The following CTU2 variants were observed in gnomAD, a reference collection of about 807,000 sequenced individuals.
CTU2 encodes cytosolic thiouridylase subunit 2, also known as cytoplasmic tRNA 2-thiolation protein 2.
In CTU2, 80 loss-of-function variants were observed where a neutral mutation model predicts 64.1. The ratio of observed to expected loss-of-function variants is 1.25; its 90% CI spans 1.04 to 1.50. The LOEUF (loss-of-function observed/expected upper bound fraction) is 1.50, where lower values mean the gene tolerates loss of function less well. CTU2 is among the 40% of genes most tolerant of loss of function. The probability of loss-of-function intolerance (pLI) is 0.00; values close to 1 mark genes in which losing one functional copy is unlikely to be tolerated. For missense variants in CTU2, 1,110 were observed against 690.2 expected (o/e 1.61, Z -6.81); for synonymous variants, 482 against 285.3 (o/e 1.69, Z -6.95).
At chr16:88,708,387 G>A (rs555728156) in intron 2 of CTU2, among the ~76,000 whole-genome samples, 6 of 152,306 alleles carry the variant, frequency 3.9e-5, no homozygotes, top group South Asian at 4.1e-4. Context: ...AGGGGACAGC[G>A]TGGTTTCAGG....
chr16:88,715,150 G>A lies in CTU2; in HGVS notation c.1479-32G>A, dbSNP rs2306045. ...CCGTGGCGCGTGGGTAAGGGGCCTCGGGGCTGGTGCCCACTGCAGCTTTCT... is the reference window on the plus strand; with the variant it reads ...CCGTGGCGCGTGGGTAAGGGGCCTCAGGGCTGGTGCCCACTGCAGCTTTCT... On this transcript the variant is annotated intron_variant, in intron 14 of 14. Coordinates refer to ENST00000453996, the MANE Select transcript of CTU2 (RefSeq NM_001012759.3). The A allele has an allele frequency of 0.12, 199,204 of 1,609,370 alleles. 13,206 individuals carry two copies. The highest frequency in any genetic ancestry group is 0.16 in the East Asian group (7,104 of 44,848).
chr16:88,713,731 C>G lies in CTU2; in HGVS notation c.958C>G (p.Arg320Gly). ...HTLKEVAFYN[R>G]LFSVPSVFTP... ...CCTGAAGGAGGTCGCTTTCTACAAC[C>G]GCCTGTTCTCCGTTCCTTCTGTCTT... is the stretch of plus-strand genomic sequence containing the variant. Residue 320 changes from arginine to glycine, a missense_variant, in exon 9 of 15, where the codon CGC becomes GGC. Coordinates refer to ENST00000453996, the MANE Select transcript of CTU2 (RefSeq NM_001012759.3). 2 of 1,612,702 alleles carry G rather than the reference C, an allele frequency of 1.2e-6. No individual in the cohort carries two copies. The highest frequency in any genetic ancestry group is 1.1e-5 in the South Asian group (1 of 91,086).
At position 88,706,596 on chromosome 16, in the gene CTU2, C is replaced by T. The variant is rs1369296217; in HGVS notation, c.66C>T (p.Pro22=). 4 of 1,434,246 alleles carry T rather than the reference C, an allele frequency of 2.8e-6. No homozygotes were observed. The East Asian group carries it at 9.0e-5, about 32-fold the overall frequency. 88.8% of individuals were successfully genotyped at this position (1,434,246 alleles called of 1,614,324 possible). A position where few individuals can be genotyped will look rare whatever the true frequency, so the allele number is the denominator to read the frequency against. ...AGGAGCCGCCCCCGGCGCCGCGGCC[C>T]AGGTAAGAGCTGGCGGCCGGACCCG... ...APEEPPPAPR[P]SREQKCVKCK... The change falls in exon 1 of 15, where the codon CCC becomes CCT. Residue 22 remains proline (P), a splice_region_variant and synonymous_variant. Transcript: ENST00000453996.
intron 2 of CTU2, chr16:88,709,016 T>G (rs1008422279): frequency 1.3e-5 from 2 of 152,214 alleles, no homozygotes; most frequent in Non-Finnish European, 2.9e-5. Flanking sequence ...GGCTCATACC[T>G]GGAATCTCAG....
Position 88,715,383 on chromosome 16 carries a change from A to AAAC in CTU2, c.*134_*135insCAA. On this transcript the variant is annotated 3_prime_UTR_variant, in exon 15 of 15. Transcript: ENST00000453996. Reference sequence around the variant, plus strand: ...AATAAAACATTTTTTAATTAAAAAAAAAACTCTACAGTACACGTGGGGGAC... The same window carrying AAAC: ...AATAAAACATTTTTTAATTAAAAAAAAACAAACTCTACAGTACACGTGGGGGAC... 2 of 1,121,312 alleles carry AAAC rather than the reference A, an allele frequency of 1.8e-6. No individual in the cohort carries two copies. Among genetic ancestry groups the AAAC allele is most frequent in the Non-Finnish European group, 2.5e-6 (2 of 804,734 alleles). 69.5% of individuals were successfully genotyped at this position (1,121,312 alleles called of 1,614,324 possible). A position where few individuals can be genotyped will look rare whatever the true frequency, so the allele number is the denominator to read the frequency against.
chr16:88,714,151 A>G lies in CTU2; in HGVS notation c.1021A>G (p.Ser341Gly). Residue 341 changes from serine to glycine, a missense_variant, in exon 10 of 15, where the codon AGC becomes GGC. Transcript: ENST00000453996. ...AVDTKAPEKA[S>G]IHRLMEAFIL... ...TTGTCCCTAGGCCCCTGAAAAGGCC[A>G]GCATCCACCGGCTGATGGAGGCCTT... The G allele has an allele frequency of 1.9e-6, 3 of 1,612,668 alleles. No homozygotes were observed. The highest frequency in any genetic ancestry group is 2.5e-6 in the Non-Finnish European group (3 of 1,179,872).
rs1295954015 is a variant in CTU2, at chr16:88,715,201, A to G, written c.1498A>G (p.Ile500Val). The G allele has an allele frequency of 6.2e-7, 1 of 1,612,350 alleles. No individual in the cohort carries two copies. The highest frequency in any genetic ancestry group is 2.2e-5 in the East Asian group (1 of 44,862). Residue 500 changes from isoleucine (I) to valine (V), a missense_variant, in exon 15 of 15, where the codon ATC becomes GTC. By Grantham distance (29) the Ile-to-Val change is conservative. Transcript: ENST00000453996. ...CTCTAGGGCCTGGGGCTTGCAGGAG[A>G]TCCGGGACTGTCTGATTGAGGACAG... ...RTQRAWGLQE[I>V]RDCLIEDSDD...
In CTU2 at chr16:88,707,208, C is replaced by T; in HGVS notation, c.141C>T (p.Cys47=). The part of the protein sequence containing the change: ...VVVIRAGDAF[C]RDCFKAFYVH... ...TGATACGAGCCGGAGATGCCTTCTG[C>T]AGGTGAGGCCTGGAGGTGGCTGAGA... The change falls in exon 2 of 15, where the codon TGC becomes TGT. Residue 47 remains cysteine (C), a splice_region_variant and synonymous_variant. Coordinates refer to ENST00000453996, the MANE Select transcript of CTU2 (RefSeq NM_001012759.3). 1.7e-5 allele frequency: 27 copies of T among 1,613,882 alleles called. No homozygotes were observed. The highest frequency in any genetic ancestry group is 2.2e-5 in the Non-Finnish European group (26 of 1,179,914).
intron 2 of CTU2, chr16:88,708,884 A>G (rs985010386): frequency 6.6e-6 from 1 of 152,146 alleles, no homozygotes; most frequent in Non-Finnish European, 1.5e-5. Context: ...CCCCTAGACA[A>G]TTTGACTTAA....
rs778227960 is a variant in CTU2 at position 88,714,446 on chromosome 16, C to T, written c.1161C>T (p.Arg387=). 1.2e-6 allele frequency: 2 copies of T among 1,612,464 alleles called. No homozygotes were observed. Among genetic ancestry groups the T allele is most frequent in the African/African-American group, 1.3e-5 (1 of 74,906 alleles). The change falls in exon 11 of 15, where the codon CGC becomes CGT. Residue 387 remains arginine (R), a synonymous_variant. Coordinates refer to ENST00000453996, the MANE Select transcript of CTU2 (RefSeq NM_001012759.3). ...DGPAAGDSGP[R]CLLCMCALDV... ...CTGCTGCTGGCGACTCCGGCCCCCG[C>T]TGCCTCCTCTGCATGTGTGCCCTGG...
At position 88,712,307 on chromosome 16, in the gene CTU2, G is replaced by C. The variant is rs777379637; in HGVS notation, c.377G>C (p.Arg126Thr). ...GCCTGTGGCCAGAGCCTAGAGGAGAGATCAAAGACCCTGGCCGAAGTGAAG... is the reference window on the plus strand; with the variant it reads ...GCCTGTGGCCAGAGCCTAGAGGAGACATCAAAGACCCTGGCCGAAGTGAAG... ...GAACGQSLEE[R>T]SKTLAEVKPI... Residue 126 changes from arginine to threonine, a missense_variant, in exon 6 of 15, where the codon AGA becomes ACA. By Grantham distance (71) the Arg-to-Thr change is moderately conservative. Transcript: ENST00000453996. 9.3e-6 allele frequency: 15 copies of C among 1,608,870 alleles called. No individual in the cohort carries two copies. Among genetic ancestry groups the C allele is most frequent in the Non-Finnish European group, 1.2e-5 (14 of 1,177,684 alleles).
At position 88,713,772 on chromosome 16, in the gene CTU2, C is replaced by T; in HGVS notation, c.999C>T (p.Asp333=). Reference sequence around the variant, plus strand: ...CTTCTGTCTTCACACCAGCCGTCGACACCAAGGTGGGCCTTGTGGGCTGGG... The same window carrying T: ...CTTCTGTCTTCACACCAGCCGTCGATACCAAGGTGGGCCTTGTGGGCTGGG... ...SVPSVFTPAV[D]TKAPEKASIH... Residue 333 remains aspartate, a synonymous_variant, in exon 9 of 15, where the codon GAC becomes GAT. Coordinates refer to ENST00000453996, the MANE Select transcript of CTU2 (RefSeq NM_001012759.3). The T allele has an allele frequency of 1.2e-6, 2 of 1,612,646 alleles. No homozygotes were observed. The highest frequency in any genetic ancestry group is 1.7e-6 in the Non-Finnish European group (2 of 1,179,838).
intron 10 of CTU2, 28 bp from the exon 11 acceptor site, chr16:88,714,355 A>T (rs1242079313): frequency 6.2e-7 from 1 of 1,610,356 alleles, no homozygotes; most frequent in South Asian, 1.1e-5. Context: ...CGTGTGATTC[A>T]CCTGCTCCTC....
chr16:88,711,761 T>C (rs1012908433), intron 5 of CTU2, 66 bp downstream of exon 5: 60 of 1,444,494 alleles, frequency 4.2e-5, no homozygotes, highest in Non-Finnish European at 5.4e-5. Context: ...ATCCTCCCTC[T>C]GGTGTGGACC....
Position 88,713,741 on chromosome 16 carries a change from C to G in CTU2, c.968C>G (p.Ser323Cys), listed in dbSNP as rs1310439054. The change falls in exon 9 of 15, where the codon TCC (serine) becomes TGC (cysteine). Residue 323 changes from serine (S) to cysteine (C), a missense_variant. Physicochemically the swap from Ser to Cys is moderately radical, Grantham distance 112 (BLOSUM62 -1). Transcript: ENST00000453996. ...GTCGCTTTCTACAACCGCCTGTTCT[C>G]CGTTCCTTCTGTCTTCACACCAGCC... ...KEVAFYNRLF[S>C]VPSVFTPAVD... 1 of 1,612,728 alleles carries G rather than the reference C, an allele frequency of 6.2e-7. No individual in the cohort carries two copies. The highest frequency in any genetic ancestry group is 8.5e-7 in the Non-Finnish European group (1 of 1,179,918).
chr16:88,711,748 C>G (rs1039052264), intron 5 of CTU2, 53 bp downstream of exon 5: 1 of 1,529,938 alleles, frequency 6.5e-7, no homozygotes, highest in Non-Finnish European at 9.0e-7. Context: ...GTAAGCCCTG[C>G]GGATCCTCCC....
intron 8 of CTU2, 54 bp from the exon 9 acceptor site, chr16:88,713,592 AG>A: frequency 6.3e-7 from 1 of 1,584,388 alleles, no homozygotes; most frequent in Non-Finnish European, 8.6e-7. Flanking sequence ...GCAGGGGAGG[AG>A]GGGCAAGCAC....
At chr16:88,711,760 C>T (rs1228115503) in intron 5 of CTU2, 65 bp downstream of exon 5, 1 of 1,445,032 alleles carries the variant, frequency 6.9e-7, no homozygotes, top group East Asian at 2.3e-5. Context: ...GATCCTCCCT[C>T]TGGTGTGGAC....
chr16:88,711,752 T>TCCTCCCTCTGGTGTGGAC (rs939346267), intron 5 of CTU2, 57 bp downstream of exon 5: 1 of 1,524,768 alleles, frequency 6.6e-7, no homozygotes, highest in Admixed American at 1.8e-5. Context: ...GCCCTGCGGA[T>TCCTCCCTCTGGTGTGGAC]CCTCCCTCTG....
Sources: allele counts gnomAD v4.1 joint callset (sites outside exome capture counted in the v4.1 genomes callset), GRCh38; gene constraint gnomAD v4.1.1; transcripts MANE v1.5; gene names NCBI Gene and HGNC (gene_info 2026-07-23, HGNC 2026-07-21).